The following TCF12 variants were observed in gnomAD, a reference collection of about 807,000 sequenced individuals.
TCF12 encodes transcription factor 12.
A neutral mutation model predicts 86.0 loss-of-function variants in TCF12; 45 were observed. The ratio of observed to expected loss-of-function variants is 0.52; its 90% CI spans 0.41 to 0.67. The LOEUF (loss-of-function observed/expected upper bound fraction) is 0.67, where lower values mean the gene tolerates loss of function less well. Ranked by LOEUF, TCF12 falls within the 30% of genes least tolerant of loss-of-function variation. The pLI is 0.00. For missense variants in TCF12, 881 were observed against 859.9 expected, an observed-to-expected ratio of 1.02 and a Z score of -0.31; for synonymous variants, 330 against 299.6, an observed-to-expected ratio of 1.10 and a Z score of -1.05.
At chr15:57,116,075 G>C (rs1425424084) in intron 5 of TCF12, among the ~76,000 whole-genome samples, 2 of 152,146 alleles carry the variant, frequency 1.3e-5, no homozygotes, top group African/African-American at 2.4e-5. Context: ...AGTGGGGCAG[G>C]TATTGTTAGT....
chr15:56,971,114 T>C (rs2062290684), intron 3 of TCF12, among the ~76,000 whole-genome samples: 1 of 152,058 alleles, frequency 6.6e-6, no homozygotes, highest in Non-Finnish European at 1.5e-5. Context: ...ATCCTTCATG[T>C]ATAAAGAATC....
chr15:57,031,329 GTCT>G (rs1221606210), intron 3 of TCF12, among the ~76,000 whole-genome samples: 1 of 151,896 alleles, frequency 6.6e-6, no homozygotes, highest in Non-Finnish European at 1.5e-5. Flanking sequence ...TGATCTCCCT[GTCT>G]TCTTTGTGGC....
chr15:57,265,567 C>T (rs1407467076), intron 18 of TCF12, among the ~76,000 whole-genome samples: 3 of 152,218 alleles, frequency 2.0e-5, no homozygotes, highest in South Asian at 4.2e-4. Flanking sequence ...GCATAGTTCA[C>T]ATTTATTTCA....
chr15:57,266,055 C>A (rs2060850303), intron 18 of TCF12, among the ~76,000 whole-genome samples: 1 of 151,912 alleles, frequency 6.6e-6, no homozygotes, highest in Non-Finnish European at 1.5e-5. Context: ...TGGGCCTACC[C>A]AGCTCACTGC....
chr15:56,966,830 AT>A (rs1249759615), intron 3 of TCF12, among the ~76,000 whole-genome samples: 8 of 152,216 alleles, frequency 5.3e-5, no homozygotes, highest in African/African-American at 1.7e-4. Flanking sequence ...TATTTTTGGA[AT>A]AAAAAAGTTG....
At chr15:57,094,987 A>G (rs2049225482) in intron 5 of TCF12, among the ~76,000 whole-genome samples, 1 of 152,228 alleles carries the variant, frequency 6.6e-6, no homozygotes, top group Non-Finnish European at 1.5e-5. Flanking sequence ...GTAATGAACA[A>G]TTTGCAACAG....
At chr15:56,952,814 A>G (rs12439547) in intron 3 of TCF12, among the ~76,000 whole-genome samples, 6,136 of 152,270 alleles carry the variant, frequency 0.04, 372 homozygotes, top group Admixed American at 0.17. Flanking sequence ...CTGTGAATAA[A>G]GATAATTTTA....
At chr15:56,944,747 T>A (rs556815012) in intron 3 of TCF12, among the ~76,000 whole-genome samples, 20 of 152,226 alleles carry the variant, frequency 1.3e-4, no homozygotes, top group African/African-American at 4.8e-4. Flanking sequence ...AAACAAACAC[T>A]GAGTAACATT....
In TCF12 at chr15:56,998,487, G is replaced by A. The variant is rs112960287; in HGVS notation, c.149-65263G>A. 8.0e-5 allele frequency among the ~76,000 whole-genome samples: 12 copies of A among 150,454 alleles called. 1 individual carries two copies. The highest frequency in any genetic ancestry group is 2.9e-4 in the African/African-American group (12 of 41,096). On this transcript the variant is annotated intron_variant, in intron 3 of 20. Transcript: ENST00000333725. ...AAAAAAAAAAAAAAAATGCTTGAAG[G>A]AGACTATCAACCAGATAAATCTAAT...
At chr15:56,996,172 G>A (rs1307068103) in intron 3 of TCF12, among the ~76,000 whole-genome samples, 1 of 152,036 alleles carries the variant, frequency 6.6e-6, no homozygotes, top group Non-Finnish European at 1.5e-5. Flanking sequence ...GATGTGTTGG[G>A]GGATTCAGTT....
At chr15:57,222,127 A>G (rs1008233121) in intron 8 of TCF12, among the ~76,000 whole-genome samples, 1 of 152,084 alleles carries the variant, frequency 6.6e-6, no homozygotes, top group Admixed American at 6.5e-5. Flanking sequence ...ATAAGTTCAC[A>G]TTGATTCATT....
intron 5 of TCF12, among the ~76,000 whole-genome samples, chr15:57,115,946 C>A (rs1399268593): frequency 6.6e-6 from 1 of 152,098 alleles, no homozygotes; most frequent in Non-Finnish European, 1.5e-5. Context: ...GGAAAAAATG[C>A]CTTTTTCCTT....
At chr15:57,263,903 G>T (rs1379227361) in intron 18 of TCF12, among the ~76,000 whole-genome samples, 1 of 152,130 alleles carries the variant, frequency 6.6e-6, no homozygotes, top group Non-Finnish European at 1.5e-5. Context: ...AATAGAGCTT[G>T]CAGGACTCGA....
At chr15:57,054,866 T>C (rs1277743075) in intron 3 of TCF12, among the ~76,000 whole-genome samples, 1 of 150,344 alleles carries the variant, frequency 6.7e-6, no homozygotes, top group Non-Finnish European at 1.5e-5. Flanking sequence ...AGAGTTAATA[T>C]TGTGCCACTT....
At chr15:57,232,518 C>A in intron 10 of TCF12, 88 bp downstream of exon 10, 1 of 1,507,882 alleles carries the variant, frequency 6.6e-7, no homozygotes, top group South Asian at 1.4e-5. Context: ...TCTAAGTCTG[C>A]CAAAACTTCT....
At chr15:56,941,016 C>T (rs1354888349) in intron 3 of TCF12, among the ~76,000 whole-genome samples, 1 of 150,972 alleles carries the variant, frequency 6.6e-6, no homozygotes, top group Non-Finnish European at 1.5e-5. Flanking sequence ...TCACCTCAGC[C>T]TCCCAAAATG....
intron 18 of TCF12, among the ~76,000 whole-genome samples, chr15:57,268,114 T>C (rs181037734): frequency 5.5e-4 from 84 of 152,264 alleles, no homozygotes; most frequent in African/African-American, 2.0e-3. Flanking sequence ...TGATCCTAGG[T>C]CTTGAAGTGG....
At chr15:57,051,163 TG>T (rs1484344071) in intron 3 of TCF12, among the ~76,000 whole-genome samples, 1 of 152,204 alleles carries the variant, frequency 6.6e-6, no homozygotes, top group African/African-American at 2.4e-5. Flanking sequence ...TCTTGAGGCA[TG>T]GTTTTATGCT....
chr15:57,013,230 C>CTTTGGGGAAAATAG (rs2064944493), intron 3 of TCF12, among the ~76,000 whole-genome samples: 1 of 152,114 alleles, frequency 6.6e-6, no homozygotes, highest in African/African-American at 2.4e-5. Flanking sequence ...CTACTATATT[C>CTTTGGGGAAAATAG]CAGGCAATGT....
Sources: gnomAD v4.1 joint callset for allele counts (sites outside exome capture counted in the v4.1 genomes callset) on GRCh38, gnomAD v4.1.1 for gene constraint, MANE v1.5 for transcripts, NCBI Gene and HGNC (gene_info 2026-07-23, HGNC 2026-07-21) for gene names.